LDAH: variants seen among roughly 807,000 people sequenced by gnomAD.
LDAH encodes the protein lipid droplet-associated hydrolase.
A neutral mutation model predicts 29.6 loss-of-function variants in LDAH; 26 were observed. The ratio of observed to expected loss-of-function variants is 0.88; its 90% CI spans 0.64 to 1.22. The LOEUF is 1.22. LDAH is among the 50% of genes most tolerant of loss of function. LDAH has a pLI of 0.00. For missense variants in LDAH, 344 were observed against 387.3 expected, an observed-to-expected ratio of 0.89 and a Z score of 0.94; for synonymous variants, 117 against 133.0, an observed-to-expected ratio of 0.88 and a Z score of 0.83.
chr2:20,802,688 C>G (rs1269544716), intron 1 of LDAH, among the ~76,000 whole-genome samples: 1 of 152,174 alleles, frequency 6.6e-6, no homozygotes, highest in Non-Finnish European at 1.5e-5. Context: ...CTTTAGTCTT[C>G]TTGTCCTTGA....
chr2:20,734,500 A>G (rs1209190137), intron 5 of LDAH, among the ~76,000 whole-genome samples: 1 of 152,180 alleles, frequency 6.6e-6, no homozygotes, highest in Non-Finnish European at 1.5e-5. Flanking sequence ...ATGACTTATT[A>G]CTATGTACAT....
intron 5 of LDAH, among the ~76,000 whole-genome samples, chr2:20,737,494 G>A (rs1381961033): frequency 6.6e-6 from 1 of 152,144 alleles, no homozygotes; most frequent in Non-Finnish European, 1.5e-5. Context: ...AGTATATGTG[G>A]AGAGTTTTAC....
chr2:20,793,797 A>G (rs1671126870), intron 2 of LDAH, among the ~76,000 whole-genome samples: 1 of 152,196 alleles, frequency 6.6e-6, no homozygotes, highest in East Asian at 1.9e-4. Context: ...GACAGAAACT[A>G]TCAAAGTTCA....
intron 2 of LDAH, among the ~76,000 whole-genome samples, chr2:20,795,945 CCA>C (rs57619975): frequency 0.13 from 18,827 of 141,728 alleles, 1,405 homozygotes; most frequent in African/African-American, 0.21. Flanking sequence ...CCGAAACCTG[CCA>C]CACACACACA....
intron 1 of LDAH, among the ~76,000 whole-genome samples, chr2:20,802,569 TTCTG>T (rs1454344305): frequency 2.0e-5 from 3 of 152,264 alleles, no homozygotes; most frequent in East Asian, 1.9e-4. Context: ...TCATTGGTCT[TTCTG>T]TCTTTCTCTT....
At chr2:20,796,464 T>C (rs1450680707) in intron 2 of LDAH, among the ~76,000 whole-genome samples, 1 of 152,150 alleles carries the variant, frequency 6.6e-6, no homozygotes, top group Non-Finnish European at 1.5e-5. Context: ...ACTCACACTT[T>C]CTCTGAAAGC....
intron 4 of LDAH, among the ~76,000 whole-genome samples, chr2:20,764,081 A>G (rs1344910431): frequency 6.6e-6 from 1 of 152,258 alleles, no homozygotes; most frequent in Non-Finnish European, 1.5e-5. Flanking sequence ...GATTTAAAAA[A>G]ATACACAGAT....
In LDAH at chr2:20,684,046, A is replaced by C. The variant is rs1167013567; in HGVS notation, c.*2857T>G. 6.6e-6 allele frequency: 1 copy of C among 152,212 alleles called. No individual in the cohort carries two copies. The highest frequency in any genetic ancestry group is 2.4e-5 in the African/African-American group (1 of 41,442). The allele number at this position is 152,212 out of a possible 1,614,324, so 9.4% of individuals were successfully genotyped here. On this transcript the variant is annotated 3_prime_UTR_variant, in exon 7 of 7. Coordinates refer to ENST00000237822, the MANE Select transcript of LDAH (RefSeq NM_021925.4). ...GATAGCATGGTGGGGTTTTAAAAAT[A>C]ATTATTTTTACAAATTCTAAAACAT...
chr2:20,812,878 TGC>T, intron 1 of LDAH, among the ~76,000 whole-genome samples: 1 of 152,292 alleles, frequency 6.6e-6, no homozygotes, highest in Admixed American at 6.5e-5. Context: ...ACTTAACAGA[TGC>T]TATCTAAATT....
intron 4 of LDAH, among the ~76,000 whole-genome samples, chr2:20,761,060 T>C (rs1350991296): frequency 1.3e-5 from 2 of 152,186 alleles, no homozygotes; most frequent in Non-Finnish European, 2.9e-5. Flanking sequence ...TTCAATTCTA[T>C]CTTATAGAAG....
chr2:20,696,145 G>A (rs953098373), intron 6 of LDAH, among the ~76,000 whole-genome samples: 3 of 152,284 alleles, frequency 2.0e-5, no homozygotes, highest in East Asian at 1.9e-4. Context: ...TCAGAATACC[G>A]AGGCTTGGCG....
intron 3 of LDAH, among the ~76,000 whole-genome samples, chr2:20,776,410 C>T (rs1048123158): frequency 5.9e-5 from 9 of 152,152 alleles, no homozygotes; most frequent in African/African-American, 1.7e-4. Flanking sequence ...TATACTACTC[C>T]TAATTCACTC....
At chr2:20,704,688 C>A (rs1329250236) in intron 5 of LDAH, among the ~76,000 whole-genome samples, 4 of 152,134 alleles carry the variant, frequency 2.6e-5, no homozygotes, top group Non-Finnish European at 5.9e-5. Flanking sequence ...ATCTGCCTGT[C>A]CTTTCTTCTC....
chr2:20,771,628 T>C (rs1271826339), intron 4 of LDAH, among the ~76,000 whole-genome samples: 1 of 152,192 alleles, frequency 6.6e-6, no homozygotes, highest in Non-Finnish European at 1.5e-5. Flanking sequence ...CCCAGGTGTT[T>C]AATGGGGGCT....
chr2:20,816,497 TCAGAG>T (rs1244639800), intron 1 of LDAH, among the ~76,000 whole-genome samples: 4 of 152,046 alleles, frequency 2.6e-5, no homozygotes, highest in African/African-American at 9.7e-5. Context: ...TAAGTAGACT[TCAGAG>T]CAAAGAAAAT....
At chr2:20,725,275 C>T (rs994320637) in intron 5 of LDAH, among the ~76,000 whole-genome samples, 24 of 152,216 alleles carry the variant, frequency 1.6e-4, no homozygotes, top group African/African-American at 5.1e-4. Context: ...CGATGAAATG[C>T]CAAACATTTT....
intron 1 of LDAH, among the ~76,000 whole-genome samples, chr2:20,815,851 T>C (rs190485877): frequency 1.0e-3 from 156 of 152,238 alleles, no homozygotes; most frequent in African/African-American, 3.5e-3. Flanking sequence ...GAACGGGTAA[T>C]AGTCATGGTA....
chr2:20,708,657 C>T (rs1013215192), intron 5 of LDAH, among the ~76,000 whole-genome samples: 1 of 152,126 alleles, frequency 6.6e-6, no homozygotes, highest in African/African-American at 2.4e-5. Flanking sequence ...GGATCACTAC[C>T]TCACATGACA....
intron 1 of LDAH, among the ~76,000 whole-genome samples, chr2:20,818,672 A>G (rs1399363794): frequency 6.6e-6 from 1 of 152,156 alleles, no homozygotes; most frequent in Non-Finnish European, 1.5e-5. Context: ...AAGGTCAAAG[A>G]TGTTTACATT....
Sources: gnomAD v4.1 joint callset for allele counts (sites outside exome capture counted in the v4.1 genomes callset) on GRCh38, gnomAD v4.1.1 for gene constraint, MANE v1.5 for transcripts, NCBI Gene and HGNC (gene_info 2026-07-23, HGNC 2026-07-21) for gene names.